CSMD3: variants seen among roughly 807,000 people sequenced by gnomAD.
The protein encoded by CSMD3 is CUB and Sushi multiple domains 3.
In CSMD3, 177 loss-of-function variants were observed where a neutral mutation model predicts 435.2. The observed-to-expected ratio is 0.41, with a 90% CI of 0.36 to 0.46. The LOEUF is 0.46. Among genes scored for constraint, CSMD3 ranks in the 20% least tolerant of loss-of-function variants. The pLI is 0.34. For missense variants in CSMD3, 4,265 were observed against 4,504.6 expected, an observed-to-expected ratio of 0.95 and a Z score of 1.52; for synonymous variants, 1,656 against 1,520.5, an observed-to-expected ratio of 1.09 and a Z score of -2.07.
intron 9 of CSMD3, among the ~76,000 whole-genome samples, chr8:112,930,895 G>A (rs2083085457): frequency 6.6e-6 from 1 of 152,064 alleles, no homozygotes; most frequent in Non-Finnish European, 1.5e-5. Flanking sequence ...CTATATGGAG[G>A]TGCTGACAAG....
At chr8:113,396,135 G>A (rs772848685) in intron 1 of CSMD3, among the ~76,000 whole-genome samples, 1 of 152,130 alleles carries the variant, frequency 6.6e-6, no homozygotes, top group Admixed American at 6.5e-5. Context: ...CTTGAGAAAG[G>A]ATTTAATTAT....
intron 1 of CSMD3, among the ~76,000 whole-genome samples, chr8:113,424,249 G>A (rs188683373): frequency 5.3e-5 from 8 of 151,718 alleles, no homozygotes; most frequent in Admixed American, 3.9e-4. Flanking sequence ...CTCCTATGTA[G>A]CAAAATTAGC....
intron 16 of CSMD3, among the ~76,000 whole-genome samples, chr8:112,671,682 G>A (rs1454409406): frequency 6.6e-6 from 1 of 152,066 alleles, no homozygotes; most frequent in Non-Finnish European, 1.5e-5. Flanking sequence ...ACATGGACTA[G>A]GTAGCGGCAG....
At chr8:112,437,019 T>C (rs1311136081) in intron 32 of CSMD3, among the ~76,000 whole-genome samples, 1 of 152,024 alleles carries the variant, frequency 6.6e-6, no homozygotes, top group Admixed American at 6.6e-5. Flanking sequence ...AAAAGACGGG[T>C]TCTTATTTGA....
intron 10 of CSMD3, among the ~76,000 whole-genome samples, chr8:112,891,152 C>T (rs1451400253): frequency 3.3e-5 from 5 of 151,584 alleles, no homozygotes; most frequent in African/African-American, 1.2e-4. Context: ...AATCCAATAG[C>T]TTTTCCTTTA....
At chr8:112,285,676 T>C (rs1819119236) in intron 58 of CSMD3, among the ~76,000 whole-genome samples, 1 of 152,218 alleles carries the variant, frequency 6.6e-6, no homozygotes, top group South Asian at 2.1e-4. Flanking sequence ...TCTAGCAACA[T>C]TTTATTTACT....
At chr8:112,785,487 A>G (rs903030135) in intron 13 of CSMD3, among the ~76,000 whole-genome samples, 5 of 152,076 alleles carry the variant, frequency 3.3e-5, no homozygotes, top group Non-Finnish European at 5.9e-5. Context: ...TTTACATGCA[A>G]TATAAATTTA....
intron 5 of CSMD3, among the ~76,000 whole-genome samples, chr8:113,066,475 TC>T (rs1365227329): frequency 6.6e-6 from 1 of 152,104 alleles, no homozygotes; most frequent in Non-Finnish European, 1.5e-5. Flanking sequence ...AAGATTTGTT[TC>T]ACCAATCAGT....
At chr8:112,304,408 A>G (rs1437341134) in intron 52 of CSMD3, among the ~76,000 whole-genome samples, 1 of 151,832 alleles carries the variant, frequency 6.6e-6, no homozygotes, top group Non-Finnish European at 1.5e-5. Context: ...AATGAGTATA[A>G]AACATATAAA....
At chr8:112,347,140 C>T (rs1825756375) in intron 40 of CSMD3, among the ~76,000 whole-genome samples, 1 of 152,010 alleles carries the variant, frequency 6.6e-6, no homozygotes, top group South Asian at 2.1e-4. Flanking sequence ...CGTAAATGTG[C>T]TTGTCTTGGA....
intron 4 of CSMD3, among the ~76,000 whole-genome samples, chr8:113,100,649 C>G (rs1386420654): frequency 6.6e-6 from 1 of 152,048 alleles, no homozygotes; most frequent in African/African-American, 2.4e-5. Flanking sequence ...GTGTTCTCAT[C>G]TCAAAAATAA....
intron 22 of CSMD3, among the ~76,000 whole-genome samples, chr8:112,615,841 A>C (rs1833621157): frequency 6.6e-6 from 1 of 152,154 alleles, no homozygotes; most frequent in Admixed American, 6.6e-5. Context: ...CCATCTGCAC[A>C]AGGAAATATT....
intron 53 of CSMD3, among the ~76,000 whole-genome samples, chr8:112,300,076 T>C (rs1469900480): frequency 6.7e-6 from 1 of 148,684 alleles, no homozygotes; most frequent in Non-Finnish European, 1.5e-5. Flanking sequence ...GCTTTTAAAA[T>C]TTAGTTTTAT....
intron 45 of CSMD3, among the ~76,000 whole-genome samples, chr8:112,328,728 G>A (rs1823750945): frequency 6.6e-6 from 1 of 152,086 alleles, no homozygotes; most frequent in Admixed American, 6.6e-5. Context: ...TCTCATGAGA[G>A]TGAGTGAGTG....
intron 13 of CSMD3, among the ~76,000 whole-genome samples, chr8:112,743,148 G>A (rs2077349218): frequency 6.6e-6 from 1 of 151,890 alleles, no homozygotes; most frequent in South Asian, 2.1e-4. Flanking sequence ...ATTTGTACAT[G>A]TAGTTGAAAG....
chr8:112,257,440 A>C (rs539359820), intron 61 of CSMD3, among the ~76,000 whole-genome samples: 6 of 152,206 alleles, frequency 3.9e-5, no homozygotes, highest in Non-Finnish European at 7.3e-5. Flanking sequence ...AAGTCTCAGG[A>C]TACAAAATCA....
chr8:112,839,797 T>C (rs1289742950), intron 11 of CSMD3, among the ~76,000 whole-genome samples: 1 of 151,638 alleles, frequency 6.6e-6, no homozygotes, highest in South Asian at 2.1e-4. Flanking sequence ...AAAGTTTTGT[T>C]CAAAATGATT....
chr8:113,170,663 G>T (rs1457396360), intron 4 of CSMD3, among the ~76,000 whole-genome samples: 1 of 152,042 alleles, frequency 6.6e-6, no homozygotes, highest in African/African-American at 2.4e-5. Context: ...ATTACTGTCT[G>T]CCCCACTGGA....
At chr8:113,284,902 T>A (rs2093635425) in intron 2 of CSMD3, among the ~76,000 whole-genome samples, 1 of 152,218 alleles carries the variant, frequency 6.6e-6, no homozygotes, top group Non-Finnish European at 1.5e-5. Context: ...AGCGGTATTT[T>A]CTTTGACTCA....
Sources: gnomAD v4.1 joint callset for allele counts (sites outside exome capture counted in the v4.1 genomes callset) on GRCh38, gnomAD v4.1.1 for gene constraint, MANE v1.5 for transcripts, NCBI Gene and HGNC (gene_info 2026-07-23, HGNC 2026-07-21) for gene names.